Variants in INSL6 observed in about 807,000 individuals in gnomAD.
The protein encoded by INSL6 is insulin like 6.
INSL6 carries 16 observed loss-of-function variants against 9.4 expected under a neutral mutation model. That is an observed-to-expected ratio of 1.70 (90% CI 1.15 to 2.59). The LOEUF is 2.59. Among genes scored for constraint, INSL6 ranks in the 30% most tolerant of loss-of-function variants. The probability of loss-of-function intolerance (pLI) is 0.00; values close to 1 mark genes in which losing one functional copy is unlikely to be tolerated. For missense variants in INSL6, 391 were observed against 257.3 expected (o/e 1.52, Z -3.56); for synonymous variants, 154 against 96.9 (o/e 1.59, Z -3.46).
intron 2 of INSL6, among the ~76,000 whole-genome samples, chr9:5,137,789 G>A (rs1428065983): frequency 1.3e-5 from 2 of 152,064 alleles, no homozygotes; most frequent in African/African-American, 4.8e-5. Flanking sequence ...ACTATCATCA[G>A]AGTGAACAGG....
At chr9:5,072,493 A>G in the INSL6 span, 2 of 1,557,800 alleles carry the variant, frequency 1.3e-6, no homozygotes, top group Non-Finnish European at 1.7e-6. Context: ...CTCTTGAAGA[A>G]TGAAAGCCTT....
At chr9:5,149,725 G>GA (rs553246908) in intron 2 of INSL6, among the ~76,000 whole-genome samples, 9 of 150,590 alleles carry the variant, frequency 6.0e-5, no homozygotes, top group Admixed American at 2.0e-4. Flanking sequence ...CACAGAATTA[G>GA]AAAAAAAAAT....
At chr9:5,071,891 T>C in the INSL6 span, among the ~76,000 whole-genome samples, 1 of 152,232 alleles carries the variant, frequency 6.6e-6, no homozygotes, top group South Asian at 2.1e-4. Context: ...TGTAAAGATA[T>C]GCAAGAAATA....
At chr9:5,142,802 T>G (rs1343338206) in intron 2 of INSL6, among the ~76,000 whole-genome samples, 1 of 152,136 alleles carries the variant, frequency 6.6e-6, no homozygotes, top group African/African-American at 2.4e-5. Context: ...TGCTTCAAAC[T>G]TTTACCCATT....
intron 1 of INSL6, among the ~76,000 whole-genome samples, chr9:5,183,702 C>A (rs1825506928): frequency 6.6e-6 from 1 of 151,674 alleles, no homozygotes; most frequent in African/African-American, 2.4e-5. Flanking sequence ...AAATGCCCAC[C>A]CAACATAAAG....
the INSL6 span, among the ~76,000 whole-genome samples, chr9:5,092,376 G>C: frequency 1.3e-5 from 2 of 152,074 alleles, no homozygotes; most frequent in Non-Finnish European, 2.9e-5. Flanking sequence ...TCGTAATATG[G>C]TAAGTGTACT....
chr9:5,168,574 G>A (rs1254568583), intron 1 of INSL6, among the ~76,000 whole-genome samples: 1 of 151,774 alleles, frequency 6.6e-6, no homozygotes, highest in African/African-American at 2.4e-5. Context: ...GAGAACTATG[G>A]GATTATCTTA....
chr9:5,111,898 C>T, the INSL6 span: 1 of 355,618 alleles, frequency 2.8e-6, no homozygotes, highest in Non-Finnish European at 5.5e-6. Context: ...TGGGGACGCC[C>T]TCGGGAAGGC....
At chr9:5,103,220 G>GAAAA in the INSL6 span, among the ~76,000 whole-genome samples, 5 of 6,902 alleles carry the variant, frequency 7.2e-4, no homozygotes, top group Admixed American at 1.4e-3. Context: ...CAAAGGGAAA[G>GAAAA]CAAAAAAAAA....
the INSL6 span, chr9:5,050,813 C>G: frequency 6.2e-7 from 1 of 1,613,214 alleles, no homozygotes; most frequent in Admixed American, 1.7e-5. Flanking sequence ...ACCCCACTGG[C>G]CATCTATAAC....
intron 1 of INSL6, among the ~76,000 whole-genome samples, chr9:5,183,843 A>C (rs1187345008): frequency 6.6e-6 from 1 of 152,198 alleles, no homozygotes; most frequent in Admixed American, 6.5e-5. Context: ...ACGAACTAGC[A>C]GCACCTGGGA....
chr9:5,085,523 C>T, the INSL6 span: 9 of 716,862 alleles, frequency 1.3e-5, no homozygotes, highest in African/African-American at 7.0e-5. Flanking sequence ...TCACCACACA[C>T]CAAATCTTCA....
the INSL6 span, among the ~76,000 whole-genome samples, chr9:5,082,415 A>G: frequency 6.6e-6 from 1 of 152,250 alleles, no homozygotes; most frequent in Admixed American, 6.5e-5. Context: ...AGAATAATAA[A>G]GCAGCATTGC....
chr9:5,141,503 T>C (rs1824500943), intron 2 of INSL6, among the ~76,000 whole-genome samples: 1 of 152,240 alleles, frequency 6.6e-6, no homozygotes, highest in Admixed American at 6.5e-5. Context: ...TATGTCTTCT[T>C]TGAAAAGTGT....
intron 1 of INSL6, among the ~76,000 whole-genome samples, chr9:5,180,730 T>G (rs1383425656): frequency 6.6e-6 from 1 of 152,206 alleles, no homozygotes; most frequent in African/African-American, 2.4e-5. Flanking sequence ...AGACAATACA[T>G]GCACCACTGA....
At chr9:5,054,467 T>A in the INSL6 span, 1 of 1,016,770 alleles carries the variant, frequency 9.8e-7, no homozygotes, top group Middle Eastern at 2.8e-4. The surrounding 1 kb of genome is among the most constrained non-coding windows in gnomAD (Gnocchi z 4.9). Flanking sequence ...GCCTACTTAA[T>A]CATGGAAAAA....
the INSL6 span, chr9:5,099,786 C>A: frequency 6.6e-6 from 1 of 152,200 alleles, no homozygotes. Context: ...CCCTAATTAT[C>A]TTCACTGCCT....
At chr9:5,127,204 A>G (rs1051798353) in intron 3 of INSL6, 2 of 234,644 alleles carry the variant, frequency 8.5e-6, no homozygotes, top group African/African-American at 4.4e-5. Flanking sequence ...ATCTTGTGTG[A>G]TGTTTTACAC....
chr9:5,028,215 A>C, the INSL6 span, among the ~76,000 whole-genome samples: 7 of 152,212 alleles, frequency 4.6e-5, no homozygotes, highest in Non-Finnish European at 8.8e-5. Flanking sequence ...CAGGCATGAA[A>C]ACAACATGAA....
Sources: allele counts gnomAD v4.1 joint callset (sites outside exome capture counted in the v4.1 genomes callset), GRCh38; gene constraint gnomAD v4.1.1; non-coding constraint Gnocchi (gnomAD v3.1); transcripts MANE v1.5; gene names NCBI Gene and HGNC (gene_info 2026-07-23, HGNC 2026-07-21).